The following ATP1A3 variants were observed in gnomAD, a reference collection of about 807,000 sequenced individuals.
ATP1A3 encodes ATPase Na+/K+ transporting subunit alpha 3.
A neutral mutation model predicts 108.8 loss-of-function variants in ATP1A3; 12 were observed. That is an observed-to-expected ratio of 0.11 (90% confidence interval 0.07 to 0.18). The LOEUF is 0.18. Ranked by LOEUF, ATP1A3 falls within the 10% of genes least tolerant of loss-of-function variation. ATP1A3 has a pLI of 1.00. For missense variants in ATP1A3, 498 were observed against 1,387.7 expected (o/e 0.36, Z 10.19); for synonymous variants, 539 against 564.5 (o/e 0.95, Z 0.64).
Position 41,967,435 on chromosome 19 carries a change from G to T in ATP1A3, c.2922-95C>A. ...GGGGACGCAGAGGGGCAGTCTCCCA[G>T]GATCCTTCGTGCTCACAGGTGGAGG... On this transcript the variant is annotated intron_variant, in intron 21 of 22. Transcript: ENST00000648268. The surrounding 1 kb of genome is among the most constrained non-coding windows in gnomAD (Gnocchi z 4.2). 1 of 1,417,652 alleles carries T rather than the reference G, an allele frequency of 7.1e-7. No individual in the cohort carries two copies. The highest frequency in any genetic ancestry group is 9.7e-7 in the Non-Finnish European group (1 of 1,035,346). 87.8% of individuals were successfully genotyped at this position (1,417,652 alleles called of 1,614,324 possible).
intron 5 of ATP1A3, 39 bp downstream of exon 5, chr19:41,986,077 C>G: frequency 6.2e-7 from 1 of 1,614,134 alleles, no homozygotes; most frequent in Non-Finnish European, 8.5e-7. Context: ...AGCCCATACA[C>G]TAACACCCCC....
chr19:41,978,156 T>G lies in ATP1A3; in HGVS notation c.1801A>C (p.Ile601Leu). The change falls in exon 13 of 23, where the codon ATC (isoleucine) becomes CTC (leucine). Residue 601 changes from isoleucine to leucine, a missense_variant. By Grantham distance (5) the Ile-to-Leu change is conservative. Coordinates refer to ENST00000648268, the MANE Select transcript of ATP1A3 (RefSeq NM_152296.5). This position sits in a 1 kb window ranked among gnomAD's most constrained non-coding sequence, Gnocchi z 8.3. ...CCAGCCACCCCAAGCCACACCTTGA[T>G]GCCTGCGCTGCGACACTTGCCCACC... ...DAVGKCRSAGIKVIMVTGDHP... is the reference protein window; with the variant it reads ...DAVGKCRSAGLKVIMVTGDHP... 1 of 1,614,232 alleles carries G rather than the reference T, an allele frequency of 6.2e-7. No individual in the cohort carries two copies. The highest frequency in any genetic ancestry group is 8.5e-7 in the Non-Finnish European group (1 of 1,180,042).
At chr19:41,986,061 G>C (rs1392607012) in intron 5 of ATP1A3, 55 bp downstream of exon 5, 1 of 1,614,042 alleles carries the variant, frequency 6.2e-7, no homozygotes, top group East Asian at 2.2e-5. Context: ...ACTGGGCCCG[G>C]CCCCCAGCCC....
In ATP1A3 at chr19:41,975,774, C is replaced by T; in HGVS notation, c.2118G>A (p.Gly706=). 6.2e-7 allele frequency: 1 copy of T among 1,614,034 alleles called. No individual in the cohort carries two copies. Among genetic ancestry groups the T allele is most frequent in the East Asian group, 2.2e-5 (1 of 44,882 alleles). Residue 706 remains glycine, a synonymous_variant, in exon 16 of 23, where the codon GGG becomes GGA. Coordinates refer to ENST00000648268, the MANE Select transcript of ATP1A3 (RefSeq NM_152296.5). ...GAGCGGGGGAGTCGTTCACACCATC[C>T]CCGGTCACAGCCACAATTGCACCCT... ...QRQGAIVAVT[G]DGVNDSPALK... is the part of the protein sequence containing the mutation.
Position 41,981,216 on chromosome 19 carries a change from C to T in ATP1A3, c.1437+286G>A, listed in dbSNP as rs1285122009. 6.6e-6 allele frequency among the ~76,000 whole-genome samples: 1 copy of T among 151,878 alleles called. No homozygotes were observed. The highest frequency in any genetic ancestry group is 1.5e-5 in the Non-Finnish European group (1 of 67,988). The stretch of plus-strand genomic sequence containing the variant: ...GTTTTGCCATCTTGCCCAGGCTCGT[C>T]TCGAACTCCTGGCCTCAAGTGATCC... On this transcript the variant is annotated intron_variant, in intron 11 of 22. Coordinates refer to ENST00000648268, the MANE Select transcript of ATP1A3 (RefSeq NM_152296.5). The surrounding 1 kb of genome is among the most constrained non-coding windows in gnomAD (Gnocchi z 5.0).
Position 41,978,717 on chromosome 19 carries a change from G to A in ATP1A3, c.1519C>T (p.Arg507Cys), listed in dbSNP as rs749776123. The part of the protein sequence containing the change: ...MKGAPERILD[R>C]CSTILLQGKE... ...CCCTGTAGCAGGATGGTGGAGCAGCGGTCCAGGATGCGCTCGGGGGCACCC... is the reference window on the plus strand; with the variant it reads ...CCCTGTAGCAGGATGGTGGAGCAGCAGTCCAGGATGCGCTCGGGGGCACCC... The change falls in exon 12 of 23, where the codon CGC becomes TGC. Residue 507 changes from arginine to cysteine, a missense_variant. By Grantham distance (180) the Arg-to-Cys change is radical. This residue lies in a region of ATP1A3 where 92 missense variants were observed against 168.7 expected (regional missense o/e 0.55). Transcript: ENST00000648268. The surrounding 1 kb of genome is among the most constrained non-coding windows in gnomAD (Gnocchi z 8.3). The A allele has an allele frequency of 1.9e-6, 3 of 1,613,970 alleles. No homozygotes were observed. Among genetic ancestry groups the A allele is most frequent in the African/African-American group, 1.3e-5 (1 of 74,926 alleles).
Position 41,978,989 on chromosome 19 carries a change from CTTTTTCTT to C in ATP1A3, c.1438-199_1438-192del, listed in dbSNP as rs2075202009. Among the ~76,000 whole-genome samples the C allele has an allele frequency of 6.6e-6, 1 of 151,750 alleles. No individual in the cohort carries two copies. The highest frequency in any genetic ancestry group is 2.4e-5 in the African/African-American group (1 of 41,126). The stretch of plus-strand genomic sequence containing the variant: ...ATGTCATGGATATATATTTCTTTTT[CTTTTTCTT>C]TTTTTCTTTTTTCTTTTTTTTTTGA... On this transcript the variant is annotated intron_variant, in intron 11 of 22. Coordinates refer to ENST00000648268, the MANE Select transcript of ATP1A3 (RefSeq NM_152296.5). This position sits in a 1 kb window ranked among gnomAD's most constrained non-coding sequence, Gnocchi z 8.3.
chr19:41,970,088 CT>C, intron 18 of ATP1A3, 96 bp downstream of exon 18: 5 of 1,604,046 alleles, frequency 3.1e-6, no homozygotes, highest in South Asian at 1.1e-5. Context: ...GTCTGCTCCC[CT>C]GAGTCAATGC....
chr19:41,993,649 G>T, intron 1 of ATP1A3: 1 of 662,550 alleles, frequency 1.5e-6, no homozygotes. Flanking sequence ...GGAAGCAGGG[G>T]GGCCTCAATA....
At chr19:41,982,405 C>A (rs950831239) in intron 8 of ATP1A3, among the ~76,000 whole-genome samples, 11 of 152,156 alleles carry the variant, frequency 7.2e-5, no homozygotes, top group Non-Finnish European at 1.3e-4. Context: ...GTAGGCGCAT[C>A]ACTTGAGATC....
Position 41,969,591 on chromosome 19 carries a change from G to A in ATP1A3, c.2543-11C>T, listed in dbSNP as rs782730287. ...GAGCCTGGATCATTCCTGGAAGGAG[G>A]AGAGAGGAAGCCGAGGAGAGGCTCA... On this transcript the variant is annotated splice_polypyrimidine_tract_variant and intron_variant, in intron 18 of 22. Transcript: ENST00000648268. 1 of 1,613,452 alleles carries A rather than the reference G, an allele frequency of 6.2e-7. No individual in the cohort carries two copies. The highest frequency in any genetic ancestry group is 2.2e-5 in the East Asian group (1 of 44,848).
intron 16 of ATP1A3, among the ~76,000 whole-genome samples, chr19:41,972,718 T>A (rs1183574799): frequency 2.9e-5 from 4 of 139,010 alleles, no homozygotes; most frequent in African/African-American, 1.1e-4. Context: ...TGAGCCAACA[T>A]CACGCCACTG....
Position 41,981,642 on chromosome 19 carries a change from A to C in ATP1A3, c.1303-6T>G. The C allele has an allele frequency of 6.2e-7, 1 of 1,614,174 alleles. No individual in the cohort carries two copies. The highest frequency in any genetic ancestry group is 1.1e-5 in the South Asian group (1 of 91,090). ...GCATCCCCAGCCACATCCCTCTGCA[A>C]GGAGAAAGGGTTGTCAGAACAGGGA... On this transcript the variant is annotated splice_region_variant and splice_polypyrimidine_tract_variant and intron_variant, in intron 10 of 22. Transcript: ENST00000648268. The surrounding 1 kb of genome is among the most constrained non-coding windows in gnomAD (Gnocchi z 5.0).
At chr19:41,970,098 G>T in intron 18 of ATP1A3, 87 bp downstream of exon 18, 5 of 1,608,194 alleles carry the variant, frequency 3.1e-6, no homozygotes, top group Non-Finnish European at 4.2e-6. Flanking sequence ...CTGAGTCAAT[G>T]CCAGGGTCCC....
Position 41,982,031 on chromosome 19 carries a change from G to T in ATP1A3, c.1069C>A (p.Leu357Met). The change falls in exon 9 of 23, where the codon CTG becomes ATG. Residue 357 changes from leucine (L) to methionine (M), a missense_variant. Physicochemically the swap from Leu to Met is conservative, Grantham distance 15 (BLOSUM62 2). This residue lies in a region of ATP1A3 where 127 missense variants were observed against 464.0 expected (regional missense o/e 0.27). Transcript: ENST00000648268. ...GAGCAGATGGTGGACGTGGAGCCCA[G>T]GGTTTCTACAGCCTCCAGGTTCTTC... Reference protein sequence around the residue: ...LVKNLEAVETLGSTSTICSDK... With the variant: ...LVKNLEAVETMGSTSTICSDK... The T allele has an allele frequency of 6.2e-7, 1 of 1,614,190 alleles. No individual in the cohort carries two copies. Among genetic ancestry groups the T allele is most frequent in the Non-Finnish European group, 8.5e-7 (1 of 1,180,026 alleles).
At chr19:41,975,545 C>A in intron 16 of ATP1A3, 84 bp downstream of exon 16, 1 of 1,577,740 alleles carries the variant, frequency 6.3e-7, no homozygotes. Flanking sequence ...CACACATCCC[C>A]CTGCAGCCCT....
intron 11 of ATP1A3, among the ~76,000 whole-genome samples, chr19:41,980,624 T>C (rs2145969711): frequency 6.6e-6 from 1 of 151,504 alleles, no homozygotes; most frequent in East Asian, 2.0e-4. Flanking sequence ...AAAAAAAGTT[T>C]ACTGAGGCCG....
rs2075056161 is a variant in ATP1A3 at position 41,967,488 on chromosome 19, G to T, written c.2922-148C>A. 11 of 1,195,480 alleles carry T rather than the reference G, an allele frequency of 9.2e-6. No individual in the cohort carries two copies. Among genetic ancestry groups the T allele is most frequent in the Middle Eastern group, 5.2e-4 (2 of 3,832 alleles). 74.1% of individuals were successfully genotyped at this position (1,195,480 alleles called of 1,614,324 possible). On this transcript the variant is annotated intron_variant, in intron 21 of 22. Transcript: ENST00000648268. The surrounding 1 kb of genome is among the most constrained non-coding windows in gnomAD (Gnocchi z 4.2). Reference sequence around the variant, plus strand: ...GCCCTGGGCGGGGCTGGGGCCTGGGGTCTTCGGAGTAATCCGTGGTGGGAG... The same window carrying T: ...GCCCTGGGCGGGGCTGGGGCCTGGGTTCTTCGGAGTAATCCGTGGTGGGAG...
intron 16 of ATP1A3, among the ~76,000 whole-genome samples, chr19:41,972,031 C>A (rs782407391): frequency 6.6e-6 from 1 of 152,064 alleles, no homozygotes; most frequent in Non-Finnish European, 1.5e-5. Context: ...AGGAGGATTG[C>A]CTGAGATCAA....
Sources: gnomAD v4.1 joint callset for allele counts (sites outside exome capture counted in the v4.1 genomes callset) on GRCh38, gnomAD v4.1.1 for gene constraint, gnomAD v4.1.1 regional missense constraint, Gnocchi (gnomAD v3.1) non-coding constraint, MANE v1.5 for transcripts, NCBI Gene and HGNC (gene_info 2026-07-23, HGNC 2026-07-21) for gene names.